PTPRD: variants seen among roughly 807,000 people sequenced by gnomAD.
PTPRD encodes receptor-type tyrosine-protein phosphatase delta.
A neutral mutation model predicts 214.5 loss-of-function variants in PTPRD; 34 were observed. The ratio of observed to expected loss-of-function variants is 0.16; its 90% CI spans 0.12 to 0.21. PTPRD has a LOEUF of 0.21. PTPRD is among the 10% of genes least tolerant of loss of function. The probability of loss-of-function intolerance (pLI) is 1.00; values close to 1 mark genes in which losing one functional copy is unlikely to be tolerated. For synonymous variants in PTPRD, 1,128 were observed against 845.7 expected, an observed-to-expected ratio of 1.33 and a Z score of -5.79; for missense variants, 2,545 against 2,398.7, an observed-to-expected ratio of 1.06 and a Z score of -1.27.
At chr9:9,255,658 A>G (rs2099977403) in intron 9 of PTPRD, among the ~76,000 whole-genome samples, 1 of 152,178 alleles carries the variant, frequency 6.6e-6, no homozygotes, top group African/African-American at 2.4e-5. Context: ...AATGAGTTTT[A>G]TTGGCACAGA....
At chr9:8,684,955 G>A (rs2097648840) in intron 12 of PTPRD, among the ~76,000 whole-genome samples, 2 of 152,098 alleles carry the variant, frequency 1.3e-5, no homozygotes, top group African/African-American at 4.8e-5. Context: ...GCTTTCCCCA[G>A]TCCGAGTAAA....
At chr9:10,014,247 A>G (rs1444639946) in intron 4 of PTPRD, among the ~76,000 whole-genome samples, 2 of 152,024 alleles carry the variant, frequency 1.3e-5, no homozygotes, top group African/African-American at 2.4e-5. Context: ...CACTTCACAG[A>G]TGAGGAAACT....
chr9:9,419,546 C>A (rs922092213), intron 8 of PTPRD, among the ~76,000 whole-genome samples: 37 of 151,798 alleles, frequency 2.4e-4, no homozygotes, highest in African/African-American at 8.7e-4. Context: ...TAGAAGTAAA[C>A]AGTTTAAGAA....
intron 7 of PTPRD, among the ~76,000 whole-genome samples, chr9:9,581,553 CT>C (rs1464527107): frequency 6.6e-6 from 1 of 152,006 alleles, no homozygotes; most frequent in Non-Finnish European, 1.5e-5. Context: ...TCAGTAAAAC[CT>C]TGCACATTAT....
At chr9:8,644,861 C>T (rs1418606892) in intron 12 of PTPRD, among the ~76,000 whole-genome samples, 2 of 152,316 alleles carry the variant, frequency 1.3e-5, no homozygotes, top group Non-Finnish European at 1.5e-5. Context: ...GGGATCCAGG[C>T]CGGTAGTGTG....
chr9:9,283,852 A>G lies in PTPRD; in HGVS notation c.-202-100489T>C, dbSNP rs967874249. Among the ~76,000 whole-genome samples, 3 of 151,640 alleles carry G rather than the reference A, an allele frequency of 2.0e-5. No homozygotes were observed. In the Admixed American group the frequency reaches 2.0e-4, roughly 10 times the overall value. On this transcript the variant is annotated intron_variant, in intron 9 of 45. Transcript: ENST00000381196. ...CAAACTGAATAATTCTGAGTACCTC[A>G]TGTTTCCTTGTTCAATATACTTACG... is the stretch of plus-strand genomic sequence containing the variant.
intron 7 of PTPRD, among the ~76,000 whole-genome samples, chr9:9,692,827 C>T (rs1009078682): frequency 6.6e-6 from 1 of 151,578 alleles, no homozygotes; most frequent in Non-Finnish European, 1.5e-5. Context: ...TTATAGTTTT[C>T]ACTGTAGAGA....
chr9:8,347,516 G>A (rs768039218), intron 39 of PTPRD, among the ~76,000 whole-genome samples: 5 of 152,092 alleles, frequency 3.3e-5, no homozygotes, highest in African/African-American at 9.7e-5. Context: ...AATCTCAAGC[G>A]GCGCTGTGAG....
intron 4 of PTPRD, among the ~76,000 whole-genome samples, chr9:9,991,172 G>C (rs1239040565): frequency 6.6e-6 from 1 of 151,974 alleles, no homozygotes; most frequent in Non-Finnish European, 1.5e-5. Context: ...GACCTCATGT[G>C]ATCTGTCTGC....
chr9:10,156,026 C>G (rs1206616886), intron 3 of PTPRD, among the ~76,000 whole-genome samples: 1 of 147,674 alleles, frequency 6.8e-6, no homozygotes, highest in Non-Finnish European at 1.5e-5. Flanking sequence ...GGAAACTCTT[C>G]TATTATGTTT....
At chr9:9,282,488 T>G (rs1351929959) in intron 9 of PTPRD, among the ~76,000 whole-genome samples, 1 of 151,366 alleles carries the variant, frequency 6.6e-6, no homozygotes, top group Non-Finnish European at 1.5e-5. Context: ...TTAGGAAAAA[T>G]TCAGATGGTT....
chr9:10,209,671 G>T (rs1295187639), intron 3 of PTPRD, among the ~76,000 whole-genome samples: 1 of 151,420 alleles, frequency 6.6e-6, no homozygotes, highest in Non-Finnish European at 1.5e-5. Context: ...GGTACACAGG[G>T]CCTTTGATCT....
chr9:9,982,027 T>C (rs578226279), intron 4 of PTPRD, among the ~76,000 whole-genome samples: 3 of 152,198 alleles, frequency 2.0e-5, no homozygotes, highest in South Asian at 4.1e-4. Context: ...TAATTTACCA[T>C]AATTTGCTTT....
intron 14 of PTPRD, among the ~76,000 whole-genome samples, chr9:8,602,561 T>C (rs1244410980): frequency 6.6e-6 from 1 of 152,216 alleles, no homozygotes; most frequent in Admixed American, 6.5e-5. Flanking sequence ...TTTTCAAAAC[T>C]GCAGCAGGAA....
At chr9:10,251,489 T>C (rs887145273) in intron 3 of PTPRD, among the ~76,000 whole-genome samples, 1 of 152,126 alleles carries the variant, frequency 6.6e-6, no homozygotes, top group Non-Finnish European at 1.5e-5. Context: ...AGTTATGTGA[T>C]TTACAACAAG....
intron 21 of PTPRD, among the ~76,000 whole-genome samples, chr9:8,509,771 T>C (rs1164765761): frequency 3.3e-5 from 5 of 152,190 alleles, no homozygotes; most frequent in African/African-American, 4.8e-5. Context: ...ATTCTGCTTG[T>C]TTCTATTAAG....
At chr9:9,304,579 T>A (rs1212346533) in intron 9 of PTPRD, among the ~76,000 whole-genome samples, 2 of 151,974 alleles carry the variant, frequency 1.3e-5, no homozygotes. Context: ...GGATTCATTT[T>A]ATGATAATAA....
intron 5 of PTPRD, among the ~76,000 whole-genome samples, chr9:9,784,443 T>G (rs114922625): frequency 0.015 from 2,222 of 152,190 alleles, 68 homozygotes; most frequent in African/African-American, 0.05. Context: ...AAAAAGATAT[T>G]ATTTTAAGTC....
chr9:9,560,704 G>A (rs1266546075), intron 8 of PTPRD, among the ~76,000 whole-genome samples: 1 of 152,178 alleles, frequency 6.6e-6, no homozygotes, highest in Non-Finnish European at 1.5e-5. Context: ...GTGGGTGGAT[G>A]GGCAGAAAGT....
Sources: gnomAD v4.1 joint callset for allele counts (sites outside exome capture counted in the v4.1 genomes callset) on GRCh38, gnomAD v4.1.1 for gene constraint, MANE v1.5 for transcripts, NCBI Gene and HGNC (gene_info 2026-07-23, HGNC 2026-07-21) for gene names.